Variants in BTBD7 observed in about 807,000 individuals in gnomAD.
BTBD7 encodes the protein BTB/POZ domain-containing protein 7.
Under a neutral mutation model 99.9 loss-of-function variants are expected in BTBD7, and 38 were observed. The ratio of observed to expected loss-of-function variants is 0.38; its 90% CI spans 0.29 to 0.50. The LOEUF is 0.50. Among genes scored for constraint, BTBD7 ranks in the 20% least tolerant of loss-of-function variants. The pLI is 0.93. For missense variants in BTBD7, 1,170 were observed against 1,394.6 expected, an observed-to-expected ratio of 0.84 and a Z score of 2.57; for synonymous variants, 520 against 511.4, an observed-to-expected ratio of 1.02 and a Z score of -0.23.
chr14:93,305,621 T>G (rs895227750), intron 1 of BTBD7, among the ~76,000 whole-genome samples: 114 of 152,354 alleles, frequency 7.5e-4, no homozygotes, highest in South Asian at 2.1e-4. Context: ...GAGAGGATAT[T>G]ACAGTTTAAG....
At chr14:93,262,607 T>G (rs775957830) in intron 4 of BTBD7, among the ~76,000 whole-genome samples, 3 of 152,148 alleles carry the variant, frequency 2.0e-5, no homozygotes, top group Non-Finnish European at 4.4e-5. Context: ...GCAGAGTAAC[T>G]ACTCTCTCCT....
In BTBD7 at chr14:93,248,468, T is replaced by C. The variant is rs781000856; in HGVS notation, c.2121+8A>G. ...CCCTATTTTAAACAGTTTAATGTCA[T>C]TTCCTACCTGCAACAGCTCTGCAGC... On this transcript the variant is annotated splice_region_variant and intron_variant, in intron 9 of 10. Transcript: ENST00000334746. The C allele has an allele frequency of 2.5e-6, 4 of 1,613,362 alleles. No individual in the cohort carries two copies. The highest frequency in any genetic ancestry group is 1.1e-5 in the South Asian group (1 of 91,022).
rs559153830 is a variant in BTBD7 at position 93,307,880 on chromosome 14, T to TA, written c.-106-11724dup. On this transcript the variant is annotated intron_variant, in intron 1 of 10. Transcript: ENST00000334746. ...GAAAACTGCTGAATGAAATTAGTTT[T>TA]AAAAAATAAACATTTAGTAAGGAAA... Among the ~76,000 whole-genome samples, 259 of 152,338 alleles carry TA rather than the reference T, an allele frequency of 1.7e-3. 3 individuals are homozygous for TA. Among genetic ancestry groups the TA allele is most frequent in the African/African-American group, 6.0e-3 (250 of 41,576 alleles).
At chr14:93,304,304 T>C (rs2139790454) in intron 1 of BTBD7, among the ~76,000 whole-genome samples, 1 of 152,328 alleles carries the variant, frequency 6.6e-6, no homozygotes, top group South Asian at 2.1e-4. Flanking sequence ...TGGTTCACTC[T>C]AGATTTAGAG....
chr14:93,292,988 C>G (rs1437953189), intron 3 of BTBD7, among the ~76,000 whole-genome samples: 1 of 152,178 alleles, frequency 6.6e-6, no homozygotes, highest in East Asian at 1.9e-4. Context: ...CTGGCAACTT[C>G]TAATGTTCTT....
chr14:93,249,961 C>T (rs188385417), intron 8 of BTBD7, among the ~76,000 whole-genome samples: 33 of 152,300 alleles, frequency 2.2e-4, no homozygotes, highest in Non-Finnish European at 3.8e-4. Flanking sequence ...TTGTGCCAGG[C>T]AAACTCCTGT....
At chr14:93,288,639 A>T in intron 3 of BTBD7, 1 of 1,263,142 alleles carries the variant, frequency 7.9e-7, no homozygotes, top group South Asian at 1.2e-5. Flanking sequence ...TTTCATATTT[A>T]AGATTGAGGC....
intron 3 of BTBD7, among the ~76,000 whole-genome samples, chr14:93,285,373 G>A (rs1329451181): frequency 2.6e-5 from 4 of 152,066 alleles, no homozygotes; most frequent in African/African-American, 7.2e-5. Flanking sequence ...CATCCATTAC[G>A]ACTAAAAATA....
At chr14:93,257,950 T>A (rs2052448087) in intron 5 of BTBD7, among the ~76,000 whole-genome samples, 1 of 148,452 alleles carries the variant, frequency 6.7e-6, no homozygotes. Flanking sequence ...ATGTAATATA[T>A]GTCCATCATC....
chr14:93,303,967 C>T (rs915086528), intron 1 of BTBD7, among the ~76,000 whole-genome samples: 3 of 152,144 alleles, frequency 2.0e-5, no homozygotes, highest in Non-Finnish European at 2.9e-5. Context: ...GCCTGGACAT[C>T]CCCAAAAGTT....
chr14:93,251,347 T>C, intron 8 of BTBD7, 116 bp downstream of exon 8: 6 of 1,135,210 alleles, frequency 5.3e-6, no homozygotes, highest in Non-Finnish European at 7.2e-6. Context: ...GAACAAGGCA[T>C]AAAAAGTATT....
chr14:93,310,533 T>C (rs991848674), intron 1 of BTBD7, among the ~76,000 whole-genome samples: 2 of 152,174 alleles, frequency 1.3e-5, no homozygotes, highest in Non-Finnish European at 2.9e-5. Context: ...GTATTTACAG[T>C]AAATTGATAG....
At chr14:93,251,785 G>T in intron 7 of BTBD7, 133 bp from the exon 8 acceptor site, 1 of 837,768 alleles carries the variant, frequency 1.2e-6, no homozygotes, top group Non-Finnish European at 1.6e-6. Context: ...TAACATTAGT[G>T]GTGAAAGAAA....
chr14:93,323,891 C>G (rs958895506), intron 1 of BTBD7, among the ~76,000 whole-genome samples: 7 of 152,198 alleles, frequency 4.6e-5, no homozygotes, highest in African/African-American at 1.7e-4. Flanking sequence ...TTCATCTTAA[C>G]TCACTTACTG....
chr14:93,310,676 G>A (rs2053126278), intron 1 of BTBD7, among the ~76,000 whole-genome samples: 1 of 151,984 alleles, frequency 6.6e-6, no homozygotes. Context: ...CCTGGGAGGT[G>A]GAGGTTGCAG....
Position 93,296,334 on chromosome 14 carries a change from C to T in BTBD7, c.-106-177G>A, listed in dbSNP as rs576696445. Among the ~76,000 whole-genome samples, 12 of 152,132 alleles carry T rather than the reference C, an allele frequency of 7.9e-5. No individual in the cohort carries two copies. The East Asian group carries it at 2.3e-3, about 29-fold the overall frequency. ...AAGCTTGAATTATCTGTGTTAGCTGCAATTTGAGCCATAAAATGTACCAAT... is the reference window on the plus strand; with the variant it reads ...AAGCTTGAATTATCTGTGTTAGCTGTAATTTGAGCCATAAAATGTACCAAT... On this transcript the variant is annotated intron_variant, in intron 1 of 10. Transcript: ENST00000334746.
chr14:93,306,743 C>A (rs1219209506), intron 1 of BTBD7, among the ~76,000 whole-genome samples: 2 of 152,156 alleles, frequency 1.3e-5, no homozygotes, highest in African/African-American at 2.4e-5. Context: ...CAGCACCCAG[C>A]AAAATATGGG....
intron 9 of BTBD7, among the ~76,000 whole-genome samples, chr14:93,247,588 C>T (rs1019512363): frequency 1.3e-5 from 2 of 152,346 alleles, no homozygotes; most frequent in Non-Finnish European, 2.9e-5. Flanking sequence ...TCAAGTGATC[C>T]GCCCACCTTG....
At chr14:93,251,786 G>T in intron 7 of BTBD7, 134 bp from the exon 8 acceptor site, 1 of 774,980 alleles carries the variant, frequency 1.3e-6, no homozygotes, top group Non-Finnish European at 1.8e-6. Context: ...AACATTAGTG[G>T]TGAAAGAAAG....
Sources: gnomAD v4.1 joint callset for allele counts (sites outside exome capture counted in the v4.1 genomes callset) on GRCh38, gnomAD v4.1.1 for gene constraint, MANE v1.5 for transcripts, NCBI Gene and HGNC (gene_info 2026-07-23, HGNC 2026-07-21) for gene names.